IMPG1: variants seen among roughly 807,000 people sequenced by gnomAD.
IMPG1 encodes the protein interphotoreceptor matrix proteoglycan of 150 kDa.
IMPG1 carries 85 observed loss-of-function variants against 92.0 expected under a neutral mutation model. The observed-to-expected ratio is 0.92, with a 90% CI of 0.78 to 1.11. The LOEUF (loss-of-function observed/expected upper bound fraction) is 1.11. IMPG1 is among the 50% of genes least tolerant of loss of function. The pLI is 0.00. For missense variants in IMPG1, 1,022 were observed against 956.0 expected (o/e 1.07, Z -0.91); for synonymous variants, 367 against 334.1 (o/e 1.10, Z -1.08).
At chr6:75,958,277 T>G (rs985072230) in intron 12 of IMPG1, among the ~76,000 whole-genome samples, 5 of 152,244 alleles carry the variant, frequency 3.3e-5, no homozygotes, top group Non-Finnish European at 7.3e-5. Flanking sequence ...TGGGCTTCCC[T>G]TTGTGCATAA....
At chr6:75,924,431 A>G (rs1264276339) in intron 15 of IMPG1, among the ~76,000 whole-genome samples, 1 of 114,918 alleles carries the variant, frequency 8.7e-6, no homozygotes, top group East Asian at 2.2e-4. Flanking sequence ...ATATATAATT[A>G]ATATAATTAT....
intron 12 of IMPG1, among the ~76,000 whole-genome samples, chr6:75,994,830 G>A (rs756261818): frequency 6.6e-6 from 1 of 152,138 alleles, no homozygotes; most frequent in African/African-American, 2.4e-5. Flanking sequence ...CTTTTCCTTT[G>A]TATGGATGTG....
chr6:75,940,123 T>A (rs558276839), intron 14 of IMPG1, among the ~76,000 whole-genome samples: 1 of 152,344 alleles, frequency 6.6e-6, no homozygotes, highest in South Asian at 2.1e-4. Context: ...GTAATTTTTC[T>A]ATTTCCCCAT....
intron 4 of IMPG1, among the ~76,000 whole-genome samples, chr6:76,028,244 C>T (rs1291655074): frequency 1.3e-5 from 2 of 152,176 alleles, no homozygotes; most frequent in African/African-American, 2.4e-5. Flanking sequence ...CAGACAATTG[C>T]TGTCTTGTTT....
At chr6:76,045,756 A>G (rs1276874161) in intron 1 of IMPG1, among the ~76,000 whole-genome samples, 2 of 152,166 alleles carry the variant, frequency 1.3e-5, no homozygotes, top group African/African-American at 4.8e-5. Context: ...ATTAGACCAG[A>G]TCAGATGCTG....
At chr6:76,047,968 T>C (rs1482217193) in intron 1 of IMPG1, among the ~76,000 whole-genome samples, 3 of 152,194 alleles carry the variant, frequency 2.0e-5, no homozygotes, top group Non-Finnish European at 4.4e-5. Flanking sequence ...GGTTTATATA[T>C]AAAGTATATT....
In IMPG1 at chr6:75,947,320, C is replaced by A. The variant is rs748671913; in HGVS notation, c.2038G>T (p.Glu680Ter). The change falls in exon 14 of 17, where the codon GAA becomes TAA. Residue 680 changes from glutamate to a stop codon, truncating the protein, a stop_gained. Coordinates refer to ENST00000369950, the MANE Select transcript of IMPG1 (RefSeq NM_001563.4). LOFTEE classifies it high-confidence loss of function. ...CTGGGTTGGATTCTTTTACCTGGTT[C>A]AATGTTGAGAGAGTAGCTGTCTATT... ...LEIDSYSLNI[E>*]PADQADPCKF... is the part of the protein sequence containing the mutation. The A allele has an allele frequency of 6.2e-7, 1 of 1,612,206 alleles. No homozygotes were observed. Among genetic ancestry groups the A allele is most frequent in the South Asian group, 1.1e-5 (1 of 91,010 alleles).
intron 4 of IMPG1, among the ~76,000 whole-genome samples, chr6:76,030,261 C>T (rs892125562): frequency 2.6e-5 from 4 of 151,950 alleles, no homozygotes; most frequent in Admixed American, 6.6e-5. Flanking sequence ...CATGGTGGGA[C>T]CTGACAAGGT....
At chr6:75,960,795 G>C (rs1034862141) in intron 12 of IMPG1, among the ~76,000 whole-genome samples, 1 of 152,134 alleles carries the variant, frequency 6.6e-6, no homozygotes, top group Non-Finnish European at 1.5e-5. Context: ...TAAAAGCCAA[G>C]GCCATTCATT....
At chr6:76,036,866 C>T (rs182953943) in intron 2 of IMPG1, among the ~76,000 whole-genome samples, 1 of 22,674 alleles carries the variant, frequency 4.4e-5, no homozygotes, top group East Asian at 7.3e-4. Flanking sequence ...ATTTACAACT[C>T]ACCAAAAATT....
intron 14 of IMPG1, chr6:75,935,037 C>T (rs1422800492): frequency 6.4e-6 from 3 of 470,262 alleles, no homozygotes; most frequent in African/African-American, 2.0e-5. Context: ...GCTGAGGTCC[C>T]GTTGGGTCTC....
At chr6:75,978,710 C>A (rs1410685501) in intron 12 of IMPG1, among the ~76,000 whole-genome samples, 1 of 152,160 alleles carries the variant, frequency 6.6e-6, no homozygotes, top group Non-Finnish European at 1.5e-5. Flanking sequence ...TTTCCATGTA[C>A]TTGCAAGTCA....
chr6:76,020,547 A>C (rs1490128947), intron 6 of IMPG1, among the ~76,000 whole-genome samples: 3 of 152,078 alleles, frequency 2.0e-5, no homozygotes, highest in African/African-American at 4.8e-5. Context: ...TGAAGGGGAA[A>C]GGGTTAGAGG....
chr6:76,061,732 T>C (rs1340301360), intron 1 of IMPG1, among the ~76,000 whole-genome samples: 1 of 152,170 alleles, frequency 6.6e-6, no homozygotes, highest in Non-Finnish European at 1.5e-5. Context: ...ATACATTGAA[T>C]GTCACAAGCA....
intron 4 of IMPG1, among the ~76,000 whole-genome samples, chr6:76,025,580 T>A (rs1783511929): frequency 6.6e-6 from 1 of 152,198 alleles, no homozygotes; most frequent in Admixed American, 6.5e-5. Context: ...CCACTTACAC[T>A]GTGTTCTTGA....
intron 5 of IMPG1, among the ~76,000 whole-genome samples, chr6:76,023,517 C>G (rs964536628): frequency 6.6e-6 from 1 of 152,202 alleles, no homozygotes; most frequent in Non-Finnish European, 1.5e-5. Flanking sequence ...TCTTCGAGCA[C>G]ATTCAGCCTC....
At chr6:76,064,273 G>T (rs1308094888) in intron 1 of IMPG1, among the ~76,000 whole-genome samples, 4 of 152,188 alleles carry the variant, frequency 2.6e-5, no homozygotes, top group African/African-American at 9.6e-5. Flanking sequence ...TTCTGTCATG[G>T]AGTGGCAGTG....
chr6:75,937,814 T>A (rs956148758), intron 14 of IMPG1, among the ~76,000 whole-genome samples: 1 of 152,202 alleles, frequency 6.6e-6, no homozygotes, highest in Non-Finnish European at 1.5e-5. Flanking sequence ...TTAATTTCAG[T>A]GTTTACCATT....
Position 75,972,404 on chromosome 6 carries a change from C to T in IMPG1, c.1292-21310G>A, listed in dbSNP as rs79212410. Among the ~76,000 whole-genome samples, 414 of 151,994 alleles carry T rather than the reference C, an allele frequency of 2.7e-3. 4 individuals carry two copies. Among genetic ancestry groups the T allele is most frequent in the African/African-American group, 9.7e-3 (400 of 41,426 alleles). On this transcript the variant is annotated intron_variant, in intron 12 of 16. Transcript: ENST00000369950. ...CACCCACGCCCACCCACCCATAACC[C>T]ATCCCAACCCTTTTGTTTTCTGAAA... is the stretch of plus-strand genomic sequence containing the variant.
Sources: allele counts gnomAD v4.1 joint callset (sites outside exome capture counted in the v4.1 genomes callset), GRCh38; gene constraint gnomAD v4.1.1; transcripts MANE v1.5; gene names NCBI Gene and HGNC (gene_info 2026-07-23, HGNC 2026-07-21).